HIPK4: variants seen among roughly 807,000 people sequenced by gnomAD.
HIPK4 encodes the protein homeodomain-interacting protein kinase 4.
A neutral mutation model predicts 44.8 loss-of-function variants in HIPK4; 26 were observed. The observed-to-expected ratio is 0.58, with a 90% CI of 0.43 to 0.80. The LOEUF is 0.80. Among genes scored for constraint, HIPK4 ranks in the 30% least tolerant of loss-of-function variants. The pLI, the probability that HIPK4 is intolerant of heterozygous loss-of-function variation, is 0.00. For missense variants in HIPK4, 729 were observed against 862.6 expected (o/e 0.85, Z 1.94); for synonymous variants, 340 against 355.5 (o/e 0.96, Z 0.49).
intron 1 of HIPK4, among the ~76,000 whole-genome samples, chr19:40,386,769 G>T (rs2079365338): frequency 6.6e-6 from 1 of 152,202 alleles, no homozygotes; most frequent in South Asian, 2.1e-4. Flanking sequence ...CACAGCAGGG[G>T]CTCAGTAAAT....
chr19:40,385,683 C>CTTTTTT (rs142414559), intron 1 of HIPK4, among the ~76,000 whole-genome samples: 935 of 67,068 alleles, frequency 0.014, 7 homozygotes, highest in Non-Finnish European at 0.019. Context: ...CTTTTCTTTT[C>CTTTTTT]TTTTTTTTTT....
In HIPK4 at chr19:40,389,218, G is replaced by A. The variant is rs1447224585; in HGVS notation, c.465+220C>T. On this transcript the variant is annotated intron_variant, in intron 1 of 3. Coordinates refer to ENST00000291823, the MANE Select transcript of HIPK4 (RefSeq NM_144685.5). The surrounding 1 kb of genome is among the most constrained non-coding windows in gnomAD (Gnocchi z 4.6). ...CGCATCCCTGTAATCCCAGCAACTC[G>A]GGAGGCTGAGGCAGGATAATCACTT... Among the ~76,000 whole-genome samples the A allele has an allele frequency of 1.3e-5, 2 of 151,748 alleles. No individual in the cohort carries two copies. Among genetic ancestry groups the A allele is most frequent in the Non-Finnish European group, 2.9e-5 (2 of 67,960 alleles).
rs1276606553 is a variant in HIPK4, at chr19:40,390,023, C to G, written c.-121G>C. On this transcript the variant is annotated 5_prime_UTR_variant, in exon 1 of 4. Transcript: ENST00000291823. ...CCAGTGGGGGAAAGAGAACCGCACT[C>G]GTGTCTCCTCCTATGAGGTTGGCCC... 1.4e-6 allele frequency: 1 copy of G among 710,176 alleles called. No individual in the cohort carries two copies. The highest frequency in any genetic ancestry group is 2.3e-6 in the Non-Finnish European group (1 of 431,252). 44.0% of individuals were successfully genotyped at this position (710,176 alleles called of 1,614,324 possible).
Position 40,389,747 on chromosome 19 carries a change from G to A in HIPK4, c.156C>T (p.Ile52=), listed in dbSNP as rs1376334189. 1 of 1,614,236 alleles carries A rather than the reference G, an allele frequency of 6.2e-7. No individual in the cohort carries two copies. Among genetic ancestry groups the A allele is most frequent in the Non-Finnish European group, 8.5e-7 (1 of 1,180,044 alleles). The change falls in exon 1 of 4, where the codon ATC becomes ATT. Residue 52 remains isoleucine (I), a synonymous_variant. Coordinates refer to ENST00000291823, the MANE Select transcript of HIPK4 (RefSeq NM_144685.5). This position sits in a 1 kb window ranked among gnomAD's most constrained non-coding sequence, Gnocchi z 4.6. Reference sequence around the variant, plus strand: ...AGTGCAGCAGCTTCAGCTCGTTCTTGATGATGCGGTTGCGGTAGGCGTCAT... The same window carrying A: ...AGTGCAGCAGCTTCAGCTCGTTCTTAATGATGCGGTTGCGGTAGGCGTCAT... ...LKNDAYRNRI[I]KNELKLLHCM...
rs1176060749 is a variant in HIPK4 at position 40,389,185 on chromosome 19, C to T, written c.465+253G>A. On this transcript the variant is annotated intron_variant, in intron 1 of 3. Coordinates refer to ENST00000291823, the MANE Select transcript of HIPK4 (RefSeq NM_144685.5). This position sits in a 1 kb window ranked among gnomAD's most constrained non-coding sequence, Gnocchi z 4.6. ...AAGTACAAAAAAAAAATTAGCTGGG[C>T]GTGGTGGCGCATCCCTGTAATCCCA... Among the ~76,000 whole-genome samples, 4 of 151,316 alleles carry T rather than the reference C, an allele frequency of 2.6e-5. No individual in the cohort carries two copies. The highest frequency in any genetic ancestry group is 2.1e-4 in the South Asian group (1 of 4,790).
At position 40,389,908 on chromosome 19, in the gene HIPK4, C is replaced by T. The variant is rs200642012; in HGVS notation, c.-6G>A. On this transcript the variant is annotated 5_prime_UTR_variant, in exon 1 of 4. Coordinates refer to ENST00000291823, the MANE Select transcript of HIPK4 (RefSeq NM_144685.5). The surrounding 1 kb of genome is among the most constrained non-coding windows in gnomAD (Gnocchi z 4.6). ...TCCGACTGGATGGTGGACATGGTGC[C>T]GCTGCTGCCAGACACCGCCCTGCCC... is the stretch of plus-strand genomic sequence containing the variant. The T allele has an allele frequency of 2.5e-5, 40 of 1,599,832 alleles. No individual in the cohort carries two copies. In the African/African-American group the frequency reaches 3.3e-4, roughly 13 times the overall value.
intron 1 of HIPK4, among the ~76,000 whole-genome samples, chr19:40,384,390 A>C (rs1245962110): frequency 1.3e-5 from 2 of 151,484 alleles, no homozygotes; most frequent in Admixed American, 1.3e-4. Context: ...TGCAACCTCC[A>C]CCTCCCCGGT....
In HIPK4 at chr19:40,380,638, G is replaced by A. The variant is rs769320081; in HGVS notation, c.1353C>T (p.Ser451=). The A allele has an allele frequency of 1.8e-5, 29 of 1,613,642 alleles. No individual in the cohort carries two copies. Among genetic ancestry groups the A allele is most frequent in the South Asian group, 1.4e-4 (13 of 91,096 alleles). The part of the protein sequence containing the change: ...LWGETCTNAV[S]DMMVPLKAAI... ...CTGCCTTGAGGGGGACCATCATGTCGGAGACCGCATTGGTGCAGGTCTCAC... is the reference window on the plus strand; with the variant it reads ...CTGCCTTGAGGGGGACCATCATGTCAGAGACCGCATTGGTGCAGGTCTCAC... The change falls in exon 3 of 4, where the codon TCC becomes TCT. Residue 451 remains serine, a synonymous_variant. Transcript: ENST00000291823. This position sits in a 1 kb window ranked among gnomAD's most constrained non-coding sequence, Gnocchi z 4.2.
chr19:40,385,106 G>A (rs2079357045), intron 1 of HIPK4, among the ~76,000 whole-genome samples: 1 of 152,104 alleles, frequency 6.6e-6, no homozygotes, highest in East Asian at 1.9e-4. Context: ...GCCATCCACA[G>A]CCCCGACCCT....
At position 40,380,444 on chromosome 19, in the gene HIPK4, C is replaced by T; in HGVS notation, c.1547G>A (p.Arg516Lys). 6.2e-7 allele frequency: 1 copy of T among 1,614,104 alleles called. No homozygotes were observed. Among genetic ancestry groups the T allele is most frequent in the South Asian group, 1.1e-5 (1 of 91,092 alleles). The change falls in exon 3 of 4, where the codon AGG (arginine) becomes AAG (lysine). Residue 516 changes from arginine (R) to lysine (K), a missense_variant. Coordinates refer to ENST00000291823, the MANE Select transcript of HIPK4 (RefSeq NM_144685.5). This position sits in a 1 kb window ranked among gnomAD's most constrained non-coding sequence, Gnocchi z 4.2. ...RLSQVSPEDD[R>K]PCRGSSWEEG... ...CTCCCAGCTGCTGCCCCGGCAGGGC[C>T]TGTCATCCTCAGGCGAGACCTGGCT...
At position 40,380,602 on chromosome 19, in the gene HIPK4, G is replaced by T; in HGVS notation, c.1389C>A (p.Gly463=). 1 of 1,613,302 alleles carries T rather than the reference G, an allele frequency of 6.2e-7. No individual in the cohort carries two copies. Residue 463 remains glycine (G), a synonymous_variant, in exon 3 of 4, where the codon GGC becomes GGA. Transcript: ENST00000291823. The surrounding 1 kb of genome is among the most constrained non-coding windows in gnomAD (Gnocchi z 4.2). ...CAGGGCCCGAGTCGGGCACATGGTG[G>T]CCAGTGATGGCTGCCTTGAGGGGGA... ...MMVPLKAAIT[G]HHVPDSGPEP...
rs1454020836 is a variant in HIPK4, at chr19:40,388,836, T to C, written c.465+602A>G. On this transcript the variant is annotated intron_variant, in intron 1 of 3. Transcript: ENST00000291823. The stretch of plus-strand genomic sequence containing the variant: ...GCCAAGGTGGGCAGATTGCTTGAAC[T>C]CAGGACTTTGAGACCAGCCTGGGCA... Among the ~76,000 whole-genome samples, 12 of 152,176 alleles carry C rather than the reference T, an allele frequency of 7.9e-5. 1 individual carries two copies. Among genetic ancestry groups the C allele is most frequent in the Admixed American group, 7.9e-4 (12 of 15,268 alleles).
chr19:40,379,661 G>T lies in HIPK4; in HGVS notation c.1777C>A (p.Pro593Thr). The change falls in exon 4 of 4, where the codon CCC (proline) becomes ACC (threonine). Residue 593 changes from proline (P) to threonine (T), a missense_variant. Physicochemically the swap from Pro to Thr is conservative, Grantham distance 38 (BLOSUM62 -1). Coordinates refer to ENST00000291823, the MANE Select transcript of HIPK4 (RefSeq NM_144685.5). ...VRGPRAQGLP[P>T]RRSHQHGPPR... ...GGACCATGCTGGTGGGAGCGGCGGG[G>T]TGGGAGCCCCTGAGCCCGTGGGCCC... is the stretch of plus-strand genomic sequence containing the variant. 1.3e-6 allele frequency: 2 copies of T among 1,552,634 alleles called. No homozygotes were observed. Among genetic ancestry groups the T allele is most frequent in the Non-Finnish European group, 1.7e-6 (2 of 1,151,470 alleles).
At chr19:40,385,939 C>T (rs1013148764) in intron 1 of HIPK4, among the ~76,000 whole-genome samples, 8 of 150,508 alleles carry the variant, frequency 5.3e-5, no homozygotes, top group African/African-American at 7.3e-5. Context: ...AACTCCTGAC[C>T]GCAGGTGATC....
chr19:40,381,823 G>A (rs2079338640), intron 2 of HIPK4, among the ~76,000 whole-genome samples: 1 of 120,114 alleles, frequency 8.3e-6, no homozygotes, highest in Admixed American at 1.1e-4. Flanking sequence ...GTATGTGTGT[G>A]AGACAGAGTT....
intron 1 of HIPK4, 140 bp from the exon 2 acceptor site, chr19:40,384,279 G>C: frequency 3.0e-6 from 2 of 674,142 alleles, no homozygotes; most frequent in Non-Finnish European, 5.1e-6. Flanking sequence ...TGATTCTTTA[G>C]TTGCTTTGTT....
chr19:40,383,268 G>A (rs796137774), intron 2 of HIPK4, among the ~76,000 whole-genome samples: 3 of 151,572 alleles, frequency 2.0e-5, no homozygotes, highest in African/African-American at 7.2e-5. Context: ...GTTTTTAGTA[G>A]AGACTGGGTT....
In HIPK4 at chr19:40,380,474, C is replaced by T; in HGVS notation, c.1517G>A (p.Arg506Gln). Residue 506 changes from arginine (R) to glutamine (Q), a missense_variant, in exon 3 of 4, where the codon CGG (arginine) becomes CAG (glutamine). Arg to Gln is a conservative substitution (Grantham distance 43). Transcript: ENST00000291823. This position sits in a 1 kb window ranked among gnomAD's most constrained non-coding sequence, Gnocchi z 4.2. The part of the protein sequence containing the change: ...KSDSNFSNLI[R>Q]LSQVSPEDDR... ...ATCCTCAGGCGAGACCTGGCTCAGC[C>T]GAATGAGGTTGCTGAAGTTGGAGTC... 3 of 1,613,528 alleles carry T rather than the reference C, an allele frequency of 1.9e-6. No individual in the cohort carries two copies. The highest frequency in any genetic ancestry group is 2.2e-5 in the East Asian group (1 of 44,882).
chr19:40,380,255 C>A lies in HIPK4; in HGVS notation c.1668+68G>T. On this transcript the variant is annotated intron_variant, in intron 3 of 3. Transcript: ENST00000291823. The surrounding 1 kb of genome is among the most constrained non-coding windows in gnomAD (Gnocchi z 4.2). ...AGCCTCCTCACACACTAATCATATC[C>A]TGAGCACGGGTGAGTGTGTGCTGAG... 6.5e-7 allele frequency: 1 copy of A among 1,531,988 alleles called. No individual in the cohort carries two copies. Among genetic ancestry groups the A allele is most frequent in the East Asian group, 2.3e-5 (1 of 44,322 alleles). The allele number at this position is 1,531,988 out of a possible 1,614,324, so 94.9% of individuals were successfully genotyped here.
Sources: allele counts gnomAD v4.1 joint callset (sites outside exome capture counted in the v4.1 genomes callset), GRCh38; gene constraint gnomAD v4.1.1; non-coding constraint Gnocchi (gnomAD v3.1); transcripts MANE v1.5; gene names NCBI Gene and HGNC (gene_info 2026-07-23, HGNC 2026-07-21).